The following PHF24 variants were observed in gnomAD, a reference collection of about 807,000 sequenced individuals.
The protein encoded by PHF24 is Galpha inhibitory interacting protein.
PHF24 carries 25 observed loss-of-function variants against 42.6 expected under a neutral mutation model. That is an observed-to-expected ratio of 0.59 (90% CI 0.43 to 0.82). PHF24 has a LOEUF of 0.82. Ranked by LOEUF, PHF24 falls within the 40% of genes least tolerant of loss-of-function variation. The pLI is 0.00. For missense variants in PHF24, 470 were observed against 538.1 expected, an observed-to-expected ratio of 0.87 and a Z score of 1.25; for synonymous variants, 185 against 204.8, an observed-to-expected ratio of 0.90 and a Z score of 0.83.
At chr9:34,752,862 G>A in the PHF24 span, among the ~76,000 whole-genome samples, 1 of 151,898 alleles carries the variant, frequency 6.6e-6, no homozygotes, top group Non-Finnish European at 1.5e-5. Context: ...TTTATCCCAG[G>A]GATACAAGGA....
At chr9:34,885,189 C>A in the PHF24 span, among the ~76,000 whole-genome samples, 1 of 152,196 alleles carries the variant, frequency 6.6e-6, no homozygotes, top group African/African-American at 2.4e-5. Flanking sequence ...GCTCAGTAGG[C>A]CTAGACCTTG....
the PHF24 span, among the ~76,000 whole-genome samples, chr9:34,761,329 T>A: frequency 6.6e-6 from 1 of 151,924 alleles, no homozygotes; most frequent in Non-Finnish European, 1.5e-5. Flanking sequence ...TTTTAATAGA[T>A]GGGGTATGAT....
the PHF24 span, among the ~76,000 whole-genome samples, chr9:34,882,849 A>T: frequency 2.4e-4 from 37 of 152,322 alleles, 1 homozygote; most frequent in African/African-American, 8.4e-4. Context: ...TCTTCACAGA[A>T]CTGGAAAAAA....
the PHF24 span, among the ~76,000 whole-genome samples, chr9:34,892,439 G>T: frequency 1.3e-5 from 2 of 152,186 alleles, no homozygotes; most frequent in Non-Finnish European, 2.9e-5. Context: ...AAGTGGTGTG[G>T]TATAAGCTGC....
At chr9:34,704,511 T>C in the PHF24 span, among the ~76,000 whole-genome samples, 19,274 of 151,098 alleles carry the variant, frequency 0.13, 2,741 homozygotes, top group African/African-American at 0.35. Context: ...GTTATCATTT[T>C]GTGGAAGAGA....
At chr9:34,767,111 A>C in the PHF24 span, among the ~76,000 whole-genome samples, 1 of 152,056 alleles carries the variant, frequency 6.6e-6, no homozygotes, top group Non-Finnish European at 1.5e-5. Flanking sequence ...GTCTGCCCCT[A>C]CTGGGGGGTG....
At chr9:34,845,058 A>G in the PHF24 span, among the ~76,000 whole-genome samples, 4 of 152,028 alleles carry the variant, frequency 2.6e-5, no homozygotes, top group Non-Finnish European at 5.9e-5. Flanking sequence ...TGATGAATTG[A>G]CCTCTCCATC....
chr9:34,739,502 C>T, the PHF24 span, among the ~76,000 whole-genome samples: 19 of 152,306 alleles, frequency 1.2e-4, no homozygotes, highest in South Asian at 1.0e-3. Flanking sequence ...TTCTTGGTCT[C>T]ACTGACTTCA....
At chr9:34,976,990 A>C in intron 5 of PHF24, 93 bp from the exon 6 acceptor site, 1 of 1,376,892 alleles carries the variant, frequency 7.3e-7, no homozygotes, top group Non-Finnish European at 9.9e-7. Flanking sequence ...CTTCTAAGGG[A>C]GGTTGCAAAG....
chr9:34,783,715 T>C, the PHF24 span, among the ~76,000 whole-genome samples: 1 of 152,236 alleles, frequency 6.6e-6, no homozygotes, highest in East Asian at 1.9e-4. Context: ...AGTTTCCTGA[T>C]ATTATTTCCT....
chr9:34,954,083 G>A (rs1826317688), upstream of PHF24, among the ~76,000 whole-genome samples: 3 of 152,194 alleles, frequency 2.0e-5, no homozygotes, highest in South Asian at 2.1e-4. Flanking sequence ...GCAGAGGCAG[G>A]AGGATAGCAT....
the PHF24 span, among the ~76,000 whole-genome samples, chr9:34,694,696 T>A: frequency 6.6e-6 from 1 of 152,160 alleles, no homozygotes; most frequent in Non-Finnish European, 1.5e-5. Flanking sequence ...CTCAAATTCC[T>A]GACCTCAGGT....
chr9:34,792,275 T>C, the PHF24 span, among the ~76,000 whole-genome samples: 1 of 152,032 alleles, frequency 6.6e-6, no homozygotes, highest in Non-Finnish European at 1.5e-5. Flanking sequence ...GATGAAAGTG[T>C]GGTTATGTTC....
chr9:34,932,527 T>C, the PHF24 span, among the ~76,000 whole-genome samples: 1 of 152,180 alleles, frequency 6.6e-6, no homozygotes, highest in Non-Finnish European at 1.5e-5. Context: ...ATGGACTAGG[T>C]ACCTGGCACA....
chr9:34,977,747 A>C, intron 7 of PHF24, 106 bp downstream of exon 7: 4 of 987,428 alleles, frequency 4.1e-6, no homozygotes, highest in Admixed American at 2.3e-5. Context: ...GCAAGCGCCC[A>C]CCCAAGAAAC....
chr9:34,833,371 C>T, the PHF24 span: 1 of 1,550,936 alleles, frequency 6.4e-7, no homozygotes, highest in African/African-American at 1.4e-5. Flanking sequence ...AATTGGATTG[C>T]TTTTGGTTCT....
the PHF24 span, among the ~76,000 whole-genome samples, chr9:34,813,342 A>G: frequency 6.6e-6 from 1 of 152,154 alleles, no homozygotes; most frequent in African/African-American, 2.4e-5. Flanking sequence ...CTACAGCGTT[A>G]TATTGGTTTT....
chr9:34,883,144 G>A, the PHF24 span, among the ~76,000 whole-genome samples: 2 of 152,182 alleles, frequency 1.3e-5, no homozygotes, highest in East Asian at 3.8e-4. Context: ...ATGGTGCTGG[G>A]AAAACTGGCT....
At chr9:34,690,044 G>C in the PHF24 span, 2 of 1,610,822 alleles carry the variant, frequency 1.2e-6, no homozygotes. Flanking sequence ...AGGCCGGAGA[G>C]AATGGAGCCC....
Sources: allele counts gnomAD v4.1 joint callset (sites outside exome capture counted in the v4.1 genomes callset), GRCh38; gene constraint gnomAD v4.1.1; transcripts MANE v1.5; gene names NCBI Gene and HGNC (gene_info 2026-07-23, HGNC 2026-07-21).